Variants in WDR44 observed in about 807,000 individuals in gnomAD.
The protein encoded by WDR44 is WD repeat-containing protein 44.
A neutral mutation model predicts 65.7 loss-of-function variants in WDR44; 9 were observed. The observed-to-expected ratio is 0.14, with a 90% CI of 0.08 to 0.24. The LOEUF (loss-of-function observed/expected upper bound fraction) is 0.24. Ranked by LOEUF, WDR44 falls within the 10% of genes least tolerant of loss-of-function variation. The probability of loss-of-function intolerance (pLI) is 1.00; values close to 1 mark genes in which losing one functional copy is unlikely to be tolerated. For synonymous variants in WDR44, 220 were observed against 235.2 expected (o/e 0.94, Z 0.59); for missense variants, 425 against 670.9 (o/e 0.63, Z 4.05).
intron 12 of WDR44, among the ~76,000 whole-genome samples, chrX:118,428,178 C>T (rs187552443): frequency 9.1e-6 from 1 of 109,801 alleles, no homozygotes; most frequent in East Asian, 2.9e-4. Context: ...ATCTCAGCTA[C>T]TTGGGAGGCT....
chrX:118,396,943 G>A (rs1023855083), intron 6 of WDR44, 27 bp from the exon 7 acceptor site: 1 of 1,145,827 alleles, frequency 8.7e-7, no homozygotes, highest in Non-Finnish European at 1.2e-6. Flanking sequence ...TCATCTTGGT[G>A]TGATTGTTTT....
At chrX:118,351,325 G>T (rs1040750996) in intron 1 of WDR44, among the ~76,000 whole-genome samples, 2 of 112,126 alleles carry the variant, frequency 1.8e-5, no homozygotes, top group Non-Finnish European at 3.8e-5. Context: ...TAATTGTTAG[G>T]TCTGAAAAAC....
At chrX:118,347,967 T>G (rs1182330081) in intron 1 of WDR44, among the ~76,000 whole-genome samples, 1 of 111,567 alleles carries the variant, frequency 9.0e-6, no homozygotes, top group Admixed American at 9.6e-5. Flanking sequence ...AACTTAATTT[T>G]TGTGTGTGTG....
intron 10 of WDR44, among the ~76,000 whole-genome samples, chrX:118,409,169 GC>G (rs2056991984): frequency 9.1e-6 from 1 of 110,439 alleles, no homozygotes; most frequent in African/African-American, 3.3e-5. Context: ...CGCTTTTGTT[GC>G]CCAGGCTGGA....
intron 17 of WDR44, 57 bp from the exon 18 acceptor site, chrX:118,443,503 C>G: frequency 4.3e-6 from 5 of 1,170,967 alleles, no homozygotes; most frequent in Non-Finnish European, 5.7e-6. Context: ...TAAAGGAAAC[C>G]TTTAAACATA....
At chrX:118,373,618 AC>A (rs1346648526) in intron 1 of WDR44, among the ~76,000 whole-genome samples, 1 of 111,629 alleles carries the variant, frequency 9.0e-6, no homozygotes, top group Non-Finnish European at 1.9e-5. Flanking sequence ...GTGCTCATAC[AC>A]AGCACCAGTT....
chrX:118,360,650 G>C (rs867201967), intron 1 of WDR44, among the ~76,000 whole-genome samples: 1 of 111,915 alleles, frequency 8.9e-6, no homozygotes, highest in Non-Finnish European at 1.9e-5. Context: ...CTCATACCCT[G>C]TTCACCTCAA....
At chrX:118,426,705 CAA>C (rs1291269470) in intron 12 of WDR44, among the ~76,000 whole-genome samples, 1 of 93,902 alleles carries the variant, frequency 1.1e-5, no homozygotes. Context: ...GACCCTATCT[CAA>C]AAAAAAAAAG....
Position 118,346,151 on chromosome X carries a change from C to T in WDR44, c.-353C>T. The T allele has an allele frequency of 3.3e-6, 1 of 303,310 alleles. No homozygotes were observed. The highest frequency in any genetic ancestry group is 2.7e-5 in the African/African-American group (1 of 37,124). 25.0% of individuals were successfully genotyped at this position (303,310 alleles called of 1,213,427 possible). A position where few individuals can be genotyped will look rare whatever the true frequency, so the allele number is the denominator to read the frequency against. Reference sequence around the variant, plus strand: ...CTCTTCCAGCTGCTGTAAATTGCTGCTGCGGGAGAAACTGGAGCCGCTGTA... The same window carrying T: ...CTCTTCCAGCTGCTGTAAATTGCTGTTGCGGGAGAAACTGGAGCCGCTGTA... On this transcript the variant is annotated 5_prime_UTR_variant, in exon 1 of 20. Transcript: ENST00000254029.
intron 1 of WDR44, among the ~76,000 whole-genome samples, chrX:118,377,853 A>G (rs748244308): frequency 9.3e-6 from 1 of 108,014 alleles, no homozygotes; most frequent in Non-Finnish European, 1.9e-5. Flanking sequence ...TCAGCCTCCT[A>G]GGTAGCTGGG....
At chrX:118,365,129 C>T (rs1452485344) in intron 1 of WDR44, among the ~76,000 whole-genome samples, 1 of 111,834 alleles carries the variant, frequency 8.9e-6, no homozygotes, top group African/African-American at 3.2e-5. Flanking sequence ...AGAGAACTTA[C>T]CATTCCCCTT....
rs1281617936 is a variant in WDR44 at position 118,442,357 on chromosome X, T to C, written c.2268+12T>C. On this transcript the variant is annotated intron_variant, in intron 16 of 19. Coordinates refer to ENST00000254029, the MANE Select transcript of WDR44 (RefSeq NM_019045.5). ...CTGGAGAAAATAAGGTACTACAGTA[T>C]TCAAAACCATCTCTCTCCATACTAT... 8.8e-7 allele frequency: 1 copy of C among 1,140,517 alleles called. No individual in the cohort carries two copies. Among genetic ancestry groups the C allele is most frequent in the African/African-American group, 1.8e-5 (1 of 55,989 alleles). The allele number at this position is 1,140,517 out of a possible 1,213,427, so 94.0% of individuals were successfully genotyped here.
At chrX:118,367,898 C>CT (rs778222250) in intron 1 of WDR44, among the ~76,000 whole-genome samples, 154 of 111,283 alleles carry the variant, frequency 1.4e-3, no homozygotes, top group African/African-American at 4.4e-3. Flanking sequence ...CTGTAAATTT[C>CT]TTTAACACTA....
At chrX:118,412,632 G>C (rs1230438017) in intron 12 of WDR44, among the ~76,000 whole-genome samples, 1 of 111,803 alleles carries the variant, frequency 8.9e-6, no homozygotes, top group African/African-American at 3.2e-5. Flanking sequence ...GGTAGTAAAA[G>C]TGAGTAGCCT....
intron 2 of WDR44, among the ~76,000 whole-genome samples, chrX:118,382,228 G>GT (rs145260565): frequency 0.13 from 14,215 of 110,279 alleles, 788 homozygotes; most frequent in Admixed American, 0.25. Flanking sequence ...TGCCAAGGTG[G>GT]TTTTTTTGTT....
Position 118,378,709 on chromosome X carries a change from C to CGTGTGTGTGTGTGTGTGTGTGTGTGT in WDR44, c.111+258_111+283dup, listed in dbSNP as rs61698360. The stretch of plus-strand genomic sequence containing the variant: ...GTTTATAATATCTAGAATAAAAGAA[C>CGTGTGTGTGTGTGTGTGTGTGTGTGT]GTGTGTGTGTGTGTGTGTGTGTGTG... On this transcript the variant is annotated intron_variant, in intron 2 of 19. Coordinates refer to ENST00000254029, the MANE Select transcript of WDR44 (RefSeq NM_019045.5). 7.9e-3 allele frequency among the ~76,000 whole-genome samples: 750 copies of CGTGTGTGTGTGTGTGTGTGTGTGTGT among 94,419 alleles called. 22 individuals carry two copies. Among genetic ancestry groups the CGTGTGTGTGTGTGTGTGTGTGTGTGT allele is most frequent in the East Asian group, 0.065 (184 of 2,842 alleles). The allele number at this position is 94,419 out of a possible 115,157, so 82.0% of individuals were successfully genotyped here. A position where few individuals can be genotyped will look rare whatever the true frequency, so the allele number is the denominator to read the frequency against.
intron 1 of WDR44, among the ~76,000 whole-genome samples, chrX:118,350,309 G>C (rs2056393763): frequency 8.9e-6 from 1 of 111,781 alleles, no homozygotes; most frequent in Admixed American, 9.5e-5. Flanking sequence ...GGTGGAGCTA[G>C]GTCTAGAACC....
At chrX:118,412,229 C>CT (rs1409114854) in intron 12 of WDR44, among the ~76,000 whole-genome samples, 1 of 111,673 alleles carries the variant, frequency 9.0e-6, no homozygotes, top group African/African-American at 3.3e-5. Flanking sequence ...CAAGGAATTA[C>CT]ACATGGCTGG....
chrX:118,431,199 G>C (rs73216869), intron 12 of WDR44, among the ~76,000 whole-genome samples: 54 of 111,995 alleles, frequency 4.8e-4, no homozygotes, highest in Non-Finnish European at 7.9e-4. Flanking sequence ...TGAAGCACCG[G>C]TAAGATGGTG....
Sources: gnomAD v4.1 joint callset for allele counts (sites outside exome capture counted in the v4.1 genomes callset) on GRCh38, gnomAD v4.1.1 for gene constraint, MANE v1.5 for transcripts, NCBI Gene and HGNC (gene_info 2026-07-23, HGNC 2026-07-21) for gene names.